Variants in TET3 observed in about 807,000 individuals in gnomAD.
TET3 encodes the protein methylcytosine dioxygenase TET3.
TET3 carries 19 observed loss-of-function variants against 141.4 expected under a neutral mutation model. The ratio of observed to expected loss-of-function variants is 0.13; its 90% confidence interval spans 0.09 to 0.20. The LOEUF is 0.20. Ranked by LOEUF, TET3 falls within the 10% of genes least tolerant of loss-of-function variation. The probability of loss-of-function intolerance (pLI) is 1.00; values close to 1 mark genes in which losing one functional copy is unlikely to be tolerated. For missense variants in TET3, 1,874 were observed against 2,356.9 expected (o/e 0.80, Z 4.24); for synonymous variants, 1,043 against 980.9 (o/e 1.06, Z -1.18).
chr2:74,046,245 T>A lies in TET3; in HGVS notation c.361-33T>A, dbSNP rs963302105. On this transcript the variant is annotated intron_variant, in intron 3 of 11. Transcript: ENST00000409262. This position sits in a 1 kb window ranked among gnomAD's most constrained non-coding sequence, Gnocchi z 4.3. ...TGCTTTTCAAATAGTGTGGTTCATT[T>A]TTTTCCTTTTTCCCCCTTCTCTCTC... 6.8e-7 allele frequency: 1 copy of A among 1,465,048 alleles called. No homozygotes were observed. Among genetic ancestry groups the A allele is most frequent in the Non-Finnish European group, 9.0e-7 (1 of 1,110,136 alleles). 90.8% of individuals were successfully genotyped at this position (1,465,048 alleles called of 1,614,324 possible). A position where few individuals can be genotyped will look rare whatever the true frequency, so the allele number is the denominator to read the frequency against.
chr2:74,121,387 A>G, the TET3 span: 4 of 152,252 alleles, frequency 2.6e-5, no homozygotes, highest in African/African-American at 9.6e-5. Flanking sequence ...ATAGCAATCA[A>G]TAGGAGATGC....
the TET3 span, among the ~76,000 whole-genome samples, chr2:74,120,053 CCT>C: frequency 6.6e-6 from 1 of 152,212 alleles, no homozygotes; most frequent in Non-Finnish European, 1.5e-5. Context: ...CCCCTGAAGC[CCT>C]GTTACCTCGG....
the TET3 span, among the ~76,000 whole-genome samples, chr2:74,113,973 T>A: frequency 6.6e-6 from 1 of 151,996 alleles, no homozygotes; most frequent in African/African-American, 2.4e-5. Flanking sequence ...TGTATGAAAC[T>A]ACAAGAGACC....
At chr2:74,041,340 G>C (rs944748726) in intron 3 of TET3, among the ~76,000 whole-genome samples, 1 of 152,106 alleles carries the variant, frequency 6.6e-6, no homozygotes, top group African/African-American at 2.4e-5. Context: ...AACCAAAAGG[G>C]AGCTGTTCCT....
In TET3 at chr2:74,047,971, C is replaced by T. The variant is rs1279896590; in HGVS notation, c.2054C>T (p.Ser685Phe). 1 of 1,611,450 alleles carries T rather than the reference C, an allele frequency of 6.2e-7. No homozygotes were observed. Among genetic ancestry groups the T allele is most frequent in the Non-Finnish European group, 8.5e-7 (1 of 1,178,644 alleles). The change falls in exon 4 of 12, where the codon TCC (serine) becomes TTC (phenylalanine). Residue 685 changes from serine (S) to phenylalanine (F), a missense_variant. Ser to Phe is a radical substitution (Grantham distance 155). This residue lies in a region of TET3 where 484 missense variants were observed against 462.2 expected (regional missense o/e 1.05). Coordinates refer to ENST00000409262, the MANE Select transcript of TET3 (RefSeq NM_001287491.2). ...SLLPPTQEMR[S>F]PSPMTALQPG... The stretch of plus-strand genomic sequence containing the variant: ...CTGCCCCCTACTCAGGAAATGAGGT[C>T]CCCCAGCCCCATGACAGCCTTGCAG...
At chr2:74,022,834 T>C (rs1039435148) in intron 3 of TET3, among the ~76,000 whole-genome samples, 1 of 152,120 alleles carries the variant, frequency 6.6e-6, no homozygotes, top group African/African-American at 2.4e-5. Flanking sequence ...TGGAGTGCAG[T>C]GGCATGATCT....
chr2:74,128,979 T>A, the TET3 span, among the ~76,000 whole-genome samples: 263 of 107,842 alleles, frequency 2.4e-3, 2 homozygotes, highest in African/African-American at 9.1e-3. Flanking sequence ...TTGACAGAGA[T>A]CCTGTCTCAA....
At chr2:74,003,088 G>A (rs1452358005) in intron 2 of TET3, 22 bp from the exon 3 acceptor site, 3 of 1,550,496 alleles carry the variant, frequency 1.9e-6, no homozygotes, top group Non-Finnish European at 2.6e-6. Context: ...TGGCTCACAC[G>A]TTCCTCTGGC....
chr2:74,130,632 A>T, the TET3 span: 1 of 152,042 alleles, frequency 6.6e-6, no homozygotes, highest in Non-Finnish European at 1.5e-5. Context: ...CTCTCCAACA[A>T]CGTCTGGACC....
intron 3 of TET3, among the ~76,000 whole-genome samples, chr2:74,025,650 A>G (rs1686302332): frequency 6.6e-6 from 1 of 152,192 alleles, no homozygotes; most frequent in Non-Finnish European, 1.5e-5. Flanking sequence ...CAGCATTATT[A>G]TACCAGCTAA....
At chr2:74,114,853 CAAA>C in the TET3 span, among the ~76,000 whole-genome samples, 557 of 43,870 alleles carry the variant, frequency 0.013, 17 homozygotes, top group African/African-American at 0.058. Context: ...GACTCTGTCT[CAAA>C]AAAAAAAAAA....
chr2:74,061,531 A>C (rs1192853474), intron 4 of TET3, among the ~76,000 whole-genome samples: 3 of 139,664 alleles, frequency 2.1e-5, no homozygotes, highest in Non-Finnish European at 4.6e-5. Context: ...CTCACTTCCC[A>C]GTAGGGGCGG....
Position 74,048,449 on chromosome 2 carries a change from G to A in TET3, c.2494+38G>A, listed in dbSNP as rs966275687. 1.9e-6 allele frequency: 3 copies of A among 1,549,544 alleles called. No homozygotes were observed. The African/African-American group carries it at 4.1e-5, about 21-fold the overall frequency. ...GGGTATCAGGGAAGGGCAGAGAAAG[G>A]GCTGTGGCCTGGTGAGCTAGGATTT... On this transcript the variant is annotated intron_variant, in intron 4 of 11. Transcript: ENST00000409262.
chr2:73,984,867 G>A (rs1683916165), upstream of TET3, among the ~76,000 whole-genome samples: 1 of 147,582 alleles, frequency 6.8e-6, no homozygotes, highest in Non-Finnish European at 1.5e-5. The surrounding 1 kb of genome is among the most constrained non-coding windows in gnomAD (Gnocchi z 5.6). Flanking sequence ...CCCGGGCGGG[G>A]GAGTCCCCGG....
intron 10 of TET3, among the ~76,000 whole-genome samples, chr2:74,096,519 C>T (rs1175116719): frequency 6.6e-6 from 1 of 152,122 alleles, no homozygotes; most frequent in African/African-American, 2.4e-5. Flanking sequence ...GTAATCCCAG[C>T]ACTTTGGGAG....
At chr2:74,029,864 C>T (rs1003362779) in intron 3 of TET3, among the ~76,000 whole-genome samples, 1 of 152,204 alleles carries the variant, frequency 6.6e-6, no homozygotes, top group Non-Finnish European at 1.5e-5. Context: ...GTGGCAGCTT[C>T]ACTTGGAGAT....
rs886235323 is a variant in TET3, at chr2:74,093,063, A to T, written c.3129+72A>T. On this transcript the variant is annotated intron_variant, in intron 9 of 11. Transcript: ENST00000409262. The surrounding 1 kb of genome is among the most constrained non-coding windows in gnomAD (Gnocchi z 4.2). Reference sequence around the variant, plus strand: ...CTCTGCTCAGGCTCTGAAGGTGGGAAGTGGGAGAGTGGGCTCTTTTACTCT... The same window carrying T: ...CTCTGCTCAGGCTCTGAAGGTGGGATGTGGGAGAGTGGGCTCTTTTACTCT... 1 of 1,330,416 alleles carries T rather than the reference A, an allele frequency of 7.5e-7. No individual in the cohort carries two copies. Among genetic ancestry groups the T allele is most frequent in the Non-Finnish European group, 1.1e-6 (1 of 948,478 alleles). The allele number at this position is 1,330,416 out of a possible 1,614,324, so 82.4% of individuals were successfully genotyped here. A position where few individuals can be genotyped will look rare whatever the true frequency, so the allele number is the denominator to read the frequency against.
chr2:74,090,774 G>A (rs918681632), intron 8 of TET3, among the ~76,000 whole-genome samples: 3 of 152,344 alleles, frequency 2.0e-5, no homozygotes, highest in East Asian at 3.9e-4. Flanking sequence ...AGGCCCTCCT[G>A]AGAGGCGGTC....
intron 2 of TET3, among the ~76,000 whole-genome samples, chr2:73,992,577 G>A (rs1407397056): frequency 6.6e-6 from 1 of 152,130 alleles, no homozygotes; most frequent in East Asian, 1.9e-4. Flanking sequence ...GCCTCCGAAA[G>A]TGCTGGGATT....
Sources: gnomAD v4.1 joint callset for allele counts (sites outside exome capture counted in the v4.1 genomes callset) on GRCh38, gnomAD v4.1.1 for gene constraint, gnomAD v4.1.1 regional missense constraint, Gnocchi (gnomAD v3.1) non-coding constraint, MANE v1.5 for transcripts, NCBI Gene and HGNC (gene_info 2026-07-23, HGNC 2026-07-21) for gene names.